Variants in CDH23 observed in about 807,000 individuals in gnomAD.
CDH23 encodes cadherin-23.
Under a neutral mutation model 317.1 loss-of-function variants are expected in CDH23, and 189 were observed. The ratio of observed to expected loss-of-function variants is 0.60; its 90% CI spans 0.53 to 0.67. CDH23 has a LOEUF of 0.67. Ranked by LOEUF, CDH23 falls within the 30% of genes least tolerant of loss-of-function variation. The pLI is 0.00. For synonymous variants in CDH23, 1,839 were observed against 1,876.8 expected (o/e 0.98, Z 0.52); for missense variants, 4,401 against 4,592.4 (o/e 0.96, Z 1.20).
intron 3 of CDH23, among the ~76,000 whole-genome samples, chr10:71,468,791 A>G (rs1589110395): frequency 6.6e-6 from 1 of 151,940 alleles, no homozygotes; most frequent in African/African-American, 2.4e-5. Flanking sequence ...TAGTCCCTGT[A>G]CCCCTCTGCC....
At chr10:71,409,012 C>T (rs1322218534) in intron 1 of CDH23, among the ~76,000 whole-genome samples, 1 of 152,184 alleles carries the variant, frequency 6.6e-6, no homozygotes, top group Non-Finnish European at 1.5e-5. Flanking sequence ...TTCTCTTGCA[C>T]CCTGCCCCTT....
In CDH23 at chr10:71,501,003, G is replaced by A. The variant is rs539772119; in HGVS notation, c.146-9079G>A. Among the ~76,000 whole-genome samples the A allele has an allele frequency of 7.2e-4, 110 of 152,108 alleles. 1 individual carries two copies. Among genetic ancestry groups the A allele is most frequent in the African/African-American group, 2.5e-3 (105 of 41,472 alleles). On this transcript the variant is annotated intron_variant, in intron 3 of 69. Transcript: ENST00000224721. The stretch of plus-strand genomic sequence containing the variant: ...TCCTGCCTCAGCCTCGAGTAGCTGG[G>A]ATTACAGGCCTGTGACACCACCCCC...
At position 71,446,405 on chromosome 10, in the gene CDH23, G is replaced by A. The variant is rs765567124; in HGVS notation, c.145+10G>A. 12 of 1,613,720 alleles carry A rather than the reference G, an allele frequency of 7.4e-6. No individual in the cohort carries two copies. The highest frequency in any genetic ancestry group is 1.3e-5 in the African/African-American group (1 of 74,942). ...GAGGACACGCCTGTGGGTGAGTGGG[G>A]GCATGGGCTGGTGGGCGTGCAGATG... On this transcript the variant is annotated intron_variant, in intron 3 of 69. Transcript: ENST00000224721.
chr10:71,411,530 CAT>C (rs987314561), intron 1 of CDH23, among the ~76,000 whole-genome samples: 5 of 152,008 alleles, frequency 3.3e-5, no homozygotes, highest in Non-Finnish European at 5.9e-5. Flanking sequence ...TTTTTAAAAA[CAT>C]ATATGATTAT....
In CDH23 at chr10:71,695,410, C is replaced by T. The variant is rs200583508; in HGVS notation, c.2290-8C>T. 5 of 1,597,470 alleles carry T rather than the reference C, an allele frequency of 3.1e-6. No homozygotes were observed. Among genetic ancestry groups the T allele is most frequent in the Non-Finnish European group, 4.3e-6 (5 of 1,164,614 alleles). On this transcript the variant is annotated splice_region_variant and splice_polypyrimidine_tract_variant and intron_variant, in intron 21 of 69. Transcript: ENST00000224721. The stretch of plus-strand genomic sequence containing the variant: ...GTGTGTCTCCCAGCGCCCCTTATGG[C>T]TTCACAGGTAAACATCACCCTCCTG...
At chr10:71,781,400 C>T (rs914726201) in intron 41 of CDH23, among the ~76,000 whole-genome samples, 1 of 152,202 alleles carries the variant, frequency 6.6e-6, no homozygotes, top group East Asian at 1.9e-4. Context: ...TTCTCTTCTG[C>T]TGTTTTCACA....
At chr10:71,788,884 G>T in intron 44 of CDH23, 56 bp from the exon 45 acceptor site, 1 of 886,874 alleles carries the variant, frequency 1.1e-6, no homozygotes, top group South Asian at 1.3e-5. Context: ...CTCCCACCTA[G>T]GTGGGGGCAC....
At chr10:71,712,889 C>G in intron 28 of CDH23, 76 bp downstream of exon 28, 1 of 1,526,772 alleles carries the variant, frequency 6.5e-7, no homozygotes, top group South Asian at 1.2e-5. Context: ...AGGGCACATG[C>G]TCAGTGGCAC....
Position 71,513,646 on chromosome 10 carries a change from G to A in CDH23, c.429+2434G>A, listed in dbSNP as rs372476171. 4.9e-4 allele frequency among the ~76,000 whole-genome samples: 75 copies of A among 152,284 alleles called. No individual in the cohort carries two copies. In the South Asian group the frequency reaches 0.014, roughly 29 times the overall value. ...GGGTTTCCAGCAGAGTCTGGCTGAG[G>A]TAAGCAGTGGTTGCTCTTGTGCTGT... On this transcript the variant is annotated intron_variant, in intron 6 of 69. Coordinates refer to ENST00000224721, the MANE Select transcript of CDH23 (RefSeq NM_022124.6).
chr10:71,447,337 A>G (rs1387355842), intron 3 of CDH23, among the ~76,000 whole-genome samples: 1 of 152,140 alleles, frequency 6.6e-6, no homozygotes, highest in African/African-American at 2.4e-5. Flanking sequence ...GTAGGTGTGC[A>G]GTAGAGTGGA....
chr10:71,796,394 CTTGCTAG>C (rs1030250793), intron 48 of CDH23, among the ~76,000 whole-genome samples: 38 of 152,132 alleles, frequency 2.5e-4, no homozygotes, highest in African/African-American at 8.5e-4. Flanking sequence ...AAGGAAACCC[CTTGCTAG>C]GACTGCCATG....
intron 9 of CDH23, among the ~76,000 whole-genome samples, chr10:71,608,897 G>A (rs1860687447): frequency 6.6e-6 from 1 of 152,228 alleles, no homozygotes; most frequent in African/African-American, 2.4e-5. Context: ...TTAACTCTGA[G>A]TGCAGAAGAG....
intron 17 of CDH23, 43 bp downstream of exon 17, chr10:71,679,535 TG>T (rs1435231488): frequency 2.8e-6 from 4 of 1,448,096 alleles, no homozygotes; most frequent in Admixed American, 1.9e-5. Flanking sequence ...GGAGGAGGGC[TG>T]GGGGGCTCTC....
chr10:71,597,415 G>A (rs1358169292), intron 9 of CDH23, among the ~76,000 whole-genome samples: 1 of 152,046 alleles, frequency 6.6e-6, no homozygotes, highest in South Asian at 2.1e-4. Flanking sequence ...CTGGCTCTTG[G>A]GGCTACTCTG....
intron 14 of CDH23, among the ~76,000 whole-genome samples, chr10:71,663,319 A>G (rs1203025072): frequency 6.6e-6 from 1 of 151,982 alleles, no homozygotes; most frequent in Non-Finnish European, 1.5e-5. Flanking sequence ...CCGTGCCCCG[A>G]CCCGTCTCTG....
At chr10:71,554,063 C>T (rs577993253) in intron 6 of CDH23, among the ~76,000 whole-genome samples, 3 of 152,348 alleles carry the variant, frequency 2.0e-5, no homozygotes, top group South Asian at 2.1e-4. Context: ...TACACAGCCC[C>T]GTGAGGTAAT....
chr10:71,801,918 C>T (rs1189626376), intron 53 of CDH23, among the ~76,000 whole-genome samples: 1 of 152,236 alleles, frequency 6.6e-6, no homozygotes, highest in Non-Finnish European at 1.5e-5. Flanking sequence ...CTCTCTGAGC[C>T]TCCATTGTCA....
chr10:71,415,983 T>A (rs1848517702), intron 1 of CDH23, among the ~76,000 whole-genome samples: 1 of 152,230 alleles, frequency 6.6e-6, no homozygotes, highest in Non-Finnish European at 1.5e-5. Context: ...TATACTGTGT[T>A]CAATTTTATC....
At chr10:71,690,440 C>G in intron 19 of CDH23, 28 bp from the exon 20 acceptor site, 1 of 1,532,288 alleles carries the variant, frequency 6.5e-7, no homozygotes, top group Non-Finnish European at 8.9e-7. Context: ...GAGCAGCACC[C>G]CCTGCCCCCA....
Sources: allele counts gnomAD v4.1 joint callset (sites outside exome capture counted in the v4.1 genomes callset), GRCh38; gene constraint gnomAD v4.1.1; transcripts MANE v1.5; gene names NCBI Gene and HGNC (gene_info 2026-07-23, HGNC 2026-07-21).